The following SLIT3 variants were observed in gnomAD, a reference collection of about 807,000 sequenced individuals.
SLIT3 encodes slit guidance ligand 3.
SLIT3 carries 68 observed loss-of-function variants against 184.0 expected under a neutral mutation model. The ratio of observed to expected loss-of-function variants is 0.37; its 90% CI spans 0.30 to 0.45. The LOEUF (loss-of-function observed/expected upper bound fraction) is 0.45. Among genes scored for constraint, SLIT3 ranks in the 20% least tolerant of loss-of-function variants. The pLI, the probability that SLIT3 is intolerant of heterozygous loss-of-function variation, is 1.00. For missense variants in SLIT3, 1,707 were observed against 2,026.0 expected (o/e 0.84, Z 3.02); for synonymous variants, 831 against 828.6 (o/e 1.00, Z -0.05).
chr5:168,692,536 GC>G (rs1369753813), intron 29 of SLIT3, 70 bp downstream of exon 29: 1 of 982,098 alleles, frequency 1.0e-6, no homozygotes, highest in Non-Finnish European at 1.6e-6. Flanking sequence ...ACCAGAGACT[GC>G]CTAAAACCTA....
chr5:169,290,934 C>CAGG (rs1767345113), intron 1 of SLIT3, among the ~76,000 whole-genome samples: 1 of 152,208 alleles, frequency 6.6e-6, no homozygotes, highest in African/African-American at 2.4e-5. Flanking sequence ...TGGTAACAGA[C>CAGG]AGGAGCTAGA....
intron 32 of SLIT3, among the ~76,000 whole-genome samples, chr5:168,678,936 C>A (rs969129289): frequency 5.9e-5 from 9 of 152,178 alleles, no homozygotes; most frequent in Admixed American, 2.0e-4. Context: ...CTGGGCCAGA[C>A]TGAACTGGTG....
intron 4 of SLIT3, among the ~76,000 whole-genome samples, chr5:169,015,322 C>G (rs760506055): frequency 2.2e-4 from 34 of 152,144 alleles, no homozygotes; most frequent in Non-Finnish European, 3.8e-4. Flanking sequence ...TTCTGCTGAC[C>G]CTGGATCTGG....
intron 4 of SLIT3, among the ~76,000 whole-genome samples, chr5:168,950,524 G>A (rs1000812739): frequency 1.3e-5 from 2 of 152,178 alleles, no homozygotes; most frequent in African/African-American, 4.8e-5. Context: ...ACTCAATTCT[G>A]TTTCTAGGAA....
intron 17 of SLIT3, among the ~76,000 whole-genome samples, chr5:168,753,318 T>C (rs1754783143): frequency 6.6e-6 from 1 of 152,236 alleles, no homozygotes; most frequent in Non-Finnish European, 1.5e-5. Context: ...CATGCTTTCT[T>C]GGAAGCACAT....
intron 3 of SLIT3, among the ~76,000 whole-genome samples, chr5:169,233,492 C>T (rs1030284913): frequency 4.0e-5 from 6 of 151,082 alleles, no homozygotes; most frequent in African/African-American, 1.2e-4. Context: ...GAATAGCTAA[C>T]GTGTGCTGGG....
intron 14 of SLIT3, among the ~76,000 whole-genome samples, chr5:168,766,376 G>T (rs940118979): frequency 6.6e-6 from 1 of 152,208 alleles, no homozygotes; most frequent in African/African-American, 2.4e-5. Flanking sequence ...AATAAGCAAA[G>T]GGTCATAAGT....
intron 3 of SLIT3, among the ~76,000 whole-genome samples, chr5:169,207,416 C>CACACAT (rs59792125): frequency 6.8e-6 from 1 of 147,500 alleles, no homozygotes; most frequent in African/African-American, 2.5e-5. Flanking sequence ...CACACACACA[C>CACACAT]GGCACCAAGT....
At chr5:168,784,738 A>T (rs908462668) in intron 12 of SLIT3, among the ~76,000 whole-genome samples, 1 of 151,912 alleles carries the variant, frequency 6.6e-6, no homozygotes, top group Non-Finnish European at 1.5e-5. Flanking sequence ...TGTGCCTGCC[A>T]CCCCTTTAGA....
At chr5:168,925,708 T>C (rs923296939) in intron 4 of SLIT3, among the ~76,000 whole-genome samples, 1 of 151,942 alleles carries the variant, frequency 6.6e-6, no homozygotes, top group Admixed American at 6.6e-5. Flanking sequence ...TCCTTGACTT[T>C]ACAGAAATGG....
intron 4 of SLIT3, among the ~76,000 whole-genome samples, chr5:169,089,840 G>T (rs1339335951): frequency 6.6e-6 from 1 of 152,184 alleles, no homozygotes; most frequent in Non-Finnish European, 1.5e-5. Flanking sequence ...CTTGGCCTAG[G>T]GTTCCAGAGG....
In SLIT3 at chr5:168,876,818, C is replaced by T. The variant is rs563714610; in HGVS notation, c.485+6447G>A. The stretch of plus-strand genomic sequence containing the variant: ...GAATATCATTAGACTGTGAGTTCTT[C>T]GGATACAAGAATGGCACCTTATTCT... On this transcript the variant is annotated intron_variant, in intron 5 of 35. Coordinates refer to ENST00000519560, the MANE Select transcript of SLIT3 (RefSeq NM_003062.4). Among the ~76,000 whole-genome samples the T allele has an allele frequency of 4.6e-5, 7 of 152,266 alleles. No homozygotes were observed. The East Asian group carries it at 7.7e-4, about 17-fold the overall frequency.
At chr5:169,179,752 T>C (rs1436050208) in intron 4 of SLIT3, among the ~76,000 whole-genome samples, 1 of 152,120 alleles carries the variant, frequency 6.6e-6, no homozygotes, top group African/African-American at 2.4e-5. Context: ...TGCAGGGCAA[T>C]GAGGAGAGAG....
chr5:169,112,725 C>T (rs146496614), intron 4 of SLIT3, among the ~76,000 whole-genome samples: 1 of 152,150 alleles, frequency 6.6e-6, no homozygotes, highest in African/African-American at 2.4e-5. Flanking sequence ...CAGAGAGGGG[C>T]ACCCAATGGG....
intron 4 of SLIT3, among the ~76,000 whole-genome samples, chr5:169,188,643 A>G (rs926341954): frequency 2.0e-5 from 3 of 152,198 alleles, no homozygotes; most frequent in African/African-American, 7.2e-5. Flanking sequence ...ACAGAGCCCA[A>G]AGCCCCAGCA....
intron 26 of SLIT3, among the ~76,000 whole-genome samples, chr5:168,702,705 TG>T: frequency 6.6e-6 from 1 of 152,132 alleles, no homozygotes; most frequent in Non-Finnish European, 1.5e-5. Flanking sequence ...ATGATGATGA[TG>T]ATGATGATGC....
chr5:168,965,861 GCT>G (rs1280753610), intron 4 of SLIT3, among the ~76,000 whole-genome samples: 4 of 151,830 alleles, frequency 2.6e-5, no homozygotes, highest in Admixed American at 1.3e-4. Flanking sequence ...GCCAGCGCAC[GCT>G]CTCTCTCTCT....
chr5:168,697,994 C>T (rs6869359), intron 27 of SLIT3, among the ~76,000 whole-genome samples: 27,741 of 152,128 alleles, frequency 0.18, 3,072 homozygotes, highest in East Asian at 0.42. Flanking sequence ...GCTGATGTCT[C>T]CCTGTCTTCA....
At chr5:169,088,630 T>C (rs1759419002) in intron 4 of SLIT3, among the ~76,000 whole-genome samples, 2 of 152,210 alleles carry the variant, frequency 1.3e-5, no homozygotes, top group South Asian at 4.1e-4. Context: ...CAAGGGTCTT[T>C]CCGAGAATCA....
Sources: allele counts gnomAD v4.1 joint callset (sites outside exome capture counted in the v4.1 genomes callset), GRCh38; gene constraint gnomAD v4.1.1; transcripts MANE v1.5; gene names NCBI Gene and HGNC (gene_info 2026-07-23, HGNC 2026-07-21).